Variants in PTPRK observed in about 807,000 individuals in gnomAD.
PTPRK encodes protein tyrosine phosphatase receptor type K.
Under a neutral mutation model 178.0 loss-of-function variants are expected in PTPRK, and 75 were observed. The ratio of observed to expected loss-of-function variants is 0.42; its 90% CI spans 0.35 to 0.51. PTPRK has a LOEUF of 0.51. Ranked by LOEUF, PTPRK falls within the 20% of genes least tolerant of loss-of-function variation. The pLI is 0.02. For missense variants in PTPRK, 1,441 were observed against 1,797.8 expected, an observed-to-expected ratio of 0.80 and a Z score of 3.59; for synonymous variants, 637 against 620.6, an observed-to-expected ratio of 1.03 and a Z score of -0.39.
intron 3 of PTPRK, among the ~76,000 whole-genome samples, chr6:128,261,362 G>C (rs1002540169): frequency 6.6e-6 from 1 of 152,202 alleles, no homozygotes; most frequent in East Asian, 1.9e-4. Context: ...ACAAAAAACA[G>C]CAAATTTTCC....
rs74737635 is a variant in PTPRK at position 127,994,345 on chromosome 6, T to C, written c.2844+1117A>G. 4.0e-5 allele frequency among the ~76,000 whole-genome samples: 6 copies of C among 151,880 alleles called. No homozygotes were observed. The East Asian group carries it at 1.2e-3, about 29-fold the overall frequency. Reference sequence around the variant, plus strand: ...ACCTTTTGTCTTATAATTATACATATTGTGAATCAATTTAATTATAGCACA... The same window carrying C: ...ACCTTTTGTCTTATAATTATACATACTGTGAATCAATTTAATTATAGCACA... On this transcript the variant is annotated intron_variant, in intron 18 of 29. Coordinates refer to ENST00000368226, the MANE Select transcript of PTPRK (RefSeq NM_002844.4).
chr6:128,345,025 G>A (rs796739932), intron 2 of PTPRK, among the ~76,000 whole-genome samples: 22 of 110,218 alleles, frequency 2.0e-4, no homozygotes, highest in African/African-American at 7.0e-4. Context: ...CTCAGTATAA[G>A]CCAGGTGATT....
intron 11 of PTPRK, among the ~76,000 whole-genome samples, chr6:128,076,552 T>C (rs902490304): frequency 1.3e-5 from 2 of 152,010 alleles, no homozygotes; most frequent in Non-Finnish European, 2.9e-5. Context: ...AAATCTGTTG[T>C]TTATATTATT....
intron 8 of PTPRK, among the ~76,000 whole-genome samples, chr6:128,087,059 A>AG (rs754421822): frequency 6.6e-6 from 1 of 152,160 alleles, no homozygotes; most frequent in Non-Finnish European, 1.5e-5. Flanking sequence ...TGATCAATGT[A>AG]GGGCATAATT....
At chr6:128,154,547 G>C (rs1313187310) in intron 7 of PTPRK, among the ~76,000 whole-genome samples, 1 of 151,620 alleles carries the variant, frequency 6.6e-6, no homozygotes, top group African/African-American at 2.4e-5. Context: ...AACCTGGATA[G>C]TGAGGACTAA....
chr6:128,278,618 C>A (rs1044413959), intron 3 of PTPRK, among the ~76,000 whole-genome samples: 3 of 152,130 alleles, frequency 2.0e-5, no homozygotes, highest in African/African-American at 4.8e-5. Context: ...GCATTGTTAT[C>A]AACCAGAAAG....
At chr6:128,277,048 G>C (rs1053372062) in intron 3 of PTPRK, among the ~76,000 whole-genome samples, 3 of 151,512 alleles carry the variant, frequency 2.0e-5, no homozygotes, top group African/African-American at 7.3e-5. Flanking sequence ...ATCTCTAACT[G>C]AAAGACAATG....
At chr6:128,293,032 G>A (rs953781296) in intron 3 of PTPRK, among the ~76,000 whole-genome samples, 1 of 151,822 alleles carries the variant, frequency 6.6e-6, no homozygotes, top group Non-Finnish European at 1.5e-5. Context: ...CCCTGGTTAA[G>A]AAAGTTTCAC....
rs978249734 is a variant in PTPRK at position 128,165,739 on chromosome 6, T to C, written c.1162+18693A>G. ...TGTCTCTGCCTGAATAAATCTGTAA[T>C]AAATTTATCATAAATTCATAAGGTA... On this transcript the variant is annotated intron_variant, in intron 7 of 29. Transcript: ENST00000368226. Among the ~76,000 whole-genome samples, 4 of 151,508 alleles carry C rather than the reference T, an allele frequency of 2.6e-5. No homozygotes were observed. In the East Asian group the frequency reaches 7.8e-4, roughly 29 times the overall value.
chr6:128,116,692 C>T (rs1240103613), intron 7 of PTPRK, among the ~76,000 whole-genome samples: 3 of 152,134 alleles, frequency 2.0e-5, no homozygotes, highest in Admixed American at 6.5e-5. Flanking sequence ...TCTGGATCCA[C>T]GAATAACCAG....
intron 2 of PTPRK, among the ~76,000 whole-genome samples, chr6:128,387,291 A>G (rs995277934): frequency 1.3e-5 from 2 of 152,180 alleles, no homozygotes; most frequent in African/African-American, 4.8e-5. Context: ...ATTACCACTG[A>G]TTAAGATATT....
At chr6:128,247,317 ATT>A (rs1276766695) in intron 3 of PTPRK, among the ~76,000 whole-genome samples, 1 of 152,042 alleles carries the variant, frequency 6.6e-6, no homozygotes, top group African/African-American at 2.4e-5. Flanking sequence ...TTTAACTCAT[ATT>A]CTTTTTCTTT....
intron 29 of PTPRK, among the ~76,000 whole-genome samples, chr6:127,970,498 C>A (rs915837179): frequency 6.6e-6 from 1 of 152,004 alleles, no homozygotes; most frequent in Non-Finnish European, 1.5e-5. Flanking sequence ...GACATTTTAT[C>A]TTTGCCGCAT....
At chr6:128,375,339 A>G (rs940968700) in intron 2 of PTPRK, among the ~76,000 whole-genome samples, 14 of 151,998 alleles carry the variant, frequency 9.2e-5, no homozygotes, top group South Asian at 6.2e-4. Flanking sequence ...GAAGGCAAGG[A>G]GGAGCAAGTT....
At chr6:128,131,940 A>C (rs896768339) in intron 7 of PTPRK, among the ~76,000 whole-genome samples, 1 of 152,162 alleles carries the variant, frequency 6.6e-6, no homozygotes, top group Non-Finnish European at 1.5e-5. Context: ...TAGTTTGTTT[A>C]TAAACTATTT....
rs371832682 is a variant in PTPRK, at chr6:127,984,822, A to G, written c.3251+899T>C. On this transcript the variant is annotated intron_variant, in intron 22 of 29. Coordinates refer to ENST00000368226, the MANE Select transcript of PTPRK (RefSeq NM_002844.4). ...AGACAGGAATGTAATTTAAGAGTAC[A>G]TCAGATTTCATGAGGAGGATTGAAA... Among the ~76,000 whole-genome samples, 54 of 152,312 alleles carry G rather than the reference A, an allele frequency of 3.5e-4. 1 individual carries two copies. The East Asian group carries it at 8.9e-3, about 25-fold the overall frequency.
chr6:128,315,654 C>A (rs912888021), intron 3 of PTPRK, among the ~76,000 whole-genome samples: 10 of 151,956 alleles, frequency 6.6e-5, no homozygotes, highest in African/African-American at 2.4e-4. Flanking sequence ...TAATTAGATT[C>A]TATGTAATAT....
At chr6:128,118,930 A>T (rs1177972141) in intron 7 of PTPRK, among the ~76,000 whole-genome samples, 2 of 152,214 alleles carry the variant, frequency 1.3e-5, no homozygotes, top group Non-Finnish European at 2.9e-5. Flanking sequence ...TTCCCATAGA[A>T]CATCTGCCAG....
At chr6:128,343,202 A>G (rs1019211724) in intron 2 of PTPRK, among the ~76,000 whole-genome samples, 3 of 152,088 alleles carry the variant, frequency 2.0e-5, no homozygotes, top group Non-Finnish European at 1.5e-5. Flanking sequence ...ATATGTCTAT[A>G]TGAAAATAAA....
Sources: allele counts gnomAD v4.1 joint callset (sites outside exome capture counted in the v4.1 genomes callset), GRCh38; gene constraint gnomAD v4.1.1; transcripts MANE v1.5; gene names NCBI Gene and HGNC (gene_info 2026-07-23, HGNC 2026-07-21).